The following FMNL2 variants were observed in gnomAD, a reference collection of about 807,000 sequenced individuals.
FMNL2 encodes formin-like protein 2.
In FMNL2, 51 loss-of-function variants were observed where a neutral mutation model predicts 130.2. That is an observed-to-expected ratio of 0.39 (90% confidence interval 0.31 to 0.49). The LOEUF is 0.49. Among genes scored for constraint, FMNL2 ranks in the 20% least tolerant of loss-of-function variants. The pLI, the probability that FMNL2 is intolerant of heterozygous loss-of-function variation, is 0.85. For missense variants in FMNL2, 977 were observed against 1,316.2 expected (o/e 0.74, Z 3.99); for synonymous variants, 465 against 467.1 (o/e 1.00, Z 0.06).
intron 9 of FMNL2, among the ~76,000 whole-genome samples, chr2:152,582,318 G>A (rs1188983481): frequency 1.3e-5 from 2 of 152,166 alleles, no homozygotes; most frequent in Non-Finnish European, 2.9e-5. Context: ...GCTGCCAAAT[G>A]TTCTAGACAC....
At chr2:152,617,470 G>A (rs1580109369) in intron 13 of FMNL2, among the ~76,000 whole-genome samples, 1 of 152,200 alleles carries the variant, frequency 6.6e-6, no homozygotes, top group African/African-American at 2.4e-5. Context: ...AGTTAATTCT[G>A]TGGAACACCC....
intron 4 of FMNL2, among the ~76,000 whole-genome samples, chr2:152,557,243 G>C (rs1481720421): frequency 6.6e-6 from 1 of 152,120 alleles, no homozygotes; most frequent in African/African-American, 2.4e-5. Flanking sequence ...TGAAACTTCA[G>C]CCTCCACCAG....
intron 15 of FMNL2, among the ~76,000 whole-genome samples, chr2:152,623,214 C>A (rs2105908618): frequency 6.6e-6 from 1 of 152,296 alleles, no homozygotes; most frequent in African/African-American, 2.4e-5. Context: ...TGGCACCAAC[C>A]TGTCACCTCA....
At chr2:152,544,088 G>A (rs978539272) in intron 3 of FMNL2, among the ~76,000 whole-genome samples, 2 of 152,142 alleles carry the variant, frequency 1.3e-5, no homozygotes, top group Non-Finnish European at 2.9e-5. Flanking sequence ...GAATGTGGCA[G>A]TCTTAATTTC....
chr2:152,365,338 T>A (rs967619430), intron 1 of FMNL2, among the ~76,000 whole-genome samples: 1 of 152,162 alleles, frequency 6.6e-6, no homozygotes, highest in Non-Finnish European at 1.5e-5. Flanking sequence ...TTTGAAAGAC[T>A]GCATATAGTT....
At chr2:152,478,080 C>T (rs1275638765) in intron 1 of FMNL2, among the ~76,000 whole-genome samples, 1 of 151,694 alleles carries the variant, frequency 6.6e-6, no homozygotes, top group Admixed American at 6.6e-5. Flanking sequence ...AAAAGTTACA[C>T]AGAACCACAG....
intron 1 of FMNL2, among the ~76,000 whole-genome samples, chr2:152,436,376 C>G (rs1687764863): frequency 6.6e-6 from 1 of 152,100 alleles, no homozygotes; most frequent in Non-Finnish European, 1.5e-5. Context: ...CTCCTGAACT[C>G]AAGCAATCCG....
intron 2 of FMNL2, among the ~76,000 whole-genome samples, chr2:152,533,124 C>G (rs1046793554): frequency 1.3e-5 from 2 of 151,948 alleles, no homozygotes; most frequent in East Asian, 1.9e-4. Flanking sequence ...CATTTTGTTT[C>G]CTAAGAAATT....
At chr2:152,336,682 C>T (rs1477367494) in intron 1 of FMNL2, among the ~76,000 whole-genome samples, 1 of 152,110 alleles carries the variant, frequency 6.6e-6, no homozygotes, top group Non-Finnish European at 1.5e-5. Flanking sequence ...CTGTTGGTCC[C>T]CCAGACTACC....
At chr2:152,566,859 C>T (rs1553478173) in intron 6 of FMNL2, among the ~76,000 whole-genome samples, 3 of 152,084 alleles carry the variant, frequency 2.0e-5, no homozygotes, top group Non-Finnish European at 4.4e-5. Flanking sequence ...TGTGAAACAA[C>T]AATGAGTAAG....
chr2:152,447,543 T>C (rs1179239455), intron 1 of FMNL2, among the ~76,000 whole-genome samples: 1 of 152,226 alleles, frequency 6.6e-6, no homozygotes, highest in African/African-American at 2.4e-5. Context: ...TTCATGCCAT[T>C]TTACAGTATG....
Position 152,640,935 on chromosome 2 carries a change from G to T in FMNL2, c.3169+21G>T, listed in dbSNP as rs1347632115. On this transcript the variant is annotated intron_variant, in intron 25 of 25. Coordinates refer to ENST00000288670, the MANE Select transcript of FMNL2 (RefSeq NM_052905.4). ...CACAGGTAAAAGATATTTCTTCACT[G>T]TGGCCCATGGAGATCCCACTGGCCT... The T allele has an allele frequency of 4.3e-6, 7 of 1,612,622 alleles. No homozygotes were observed. In the African/African-American group the frequency reaches 9.3e-5, roughly 22 times the overall value.
At chr2:152,484,719 GC>G (rs112132627) in intron 1 of FMNL2, among the ~76,000 whole-genome samples, 11,109 of 152,236 alleles carry the variant, frequency 0.073, 658 homozygotes, top group Admixed American at 0.21. Context: ...CCATGATGGT[GC>G]CCCTGCACTC....
chr2:152,410,667 C>A (rs115764706), intron 1 of FMNL2, among the ~76,000 whole-genome samples: 185 of 152,306 alleles, frequency 1.2e-3, no homozygotes, highest in African/African-American at 4.2e-3. Flanking sequence ...ATCCCTTCAC[C>A]CCCACCCCAC....
chr2:152,603,089 T>C (rs188725542), intron 9 of FMNL2, among the ~76,000 whole-genome samples: 2 of 152,306 alleles, frequency 1.3e-5, no homozygotes, highest in East Asian at 3.9e-4. Context: ...GAGAAACAAA[T>C]GTGAATCTGG....
At chr2:152,566,444 A>C (rs1036129340) in intron 6 of FMNL2, among the ~76,000 whole-genome samples, 6 of 152,134 alleles carry the variant, frequency 3.9e-5, no homozygotes, top group Admixed American at 3.9e-4. Flanking sequence ...CTGGGGCCTG[A>C]AGTAGTAGTG....
chr2:152,511,712 G>A (rs186877758), intron 1 of FMNL2, among the ~76,000 whole-genome samples: 249 of 152,236 alleles, frequency 1.6e-3, no homozygotes, highest in Non-Finnish European at 3.1e-3. Context: ...AAAGAGAAGA[G>A]GGAGACTAGC....
At position 152,440,343 on chromosome 2, in the gene FMNL2, A is replaced by G. The variant is rs749972474; in HGVS notation, c.118-81600A>G. On this transcript the variant is annotated intron_variant, in intron 1 of 25. Transcript: ENST00000288670. The stretch of plus-strand genomic sequence containing the variant: ...AAGACATGGGCAAGAGAAAAGTTTG[A>G]TAAATGTGCATGCTGTGACTTTATG... Among the ~76,000 whole-genome samples the G allele has an allele frequency of 2.0e-4, 30 of 152,196 alleles. 1 individual carries two copies. Among genetic ancestry groups the G allele is most frequent in the Non-Finnish European group, 4.4e-5 (3 of 68,026 alleles).
At chr2:152,646,632 T>C (rs1458498540) in intron 25 of FMNL2, among the ~76,000 whole-genome samples, 1 of 151,984 alleles carries the variant, frequency 6.6e-6, no homozygotes, top group Non-Finnish European at 1.5e-5. Flanking sequence ...TCAAATGTGG[T>C]CCATCAGCTG....
Sources: gnomAD v4.1 joint callset for allele counts (sites outside exome capture counted in the v4.1 genomes callset) on GRCh38, gnomAD v4.1.1 for gene constraint, MANE v1.5 for transcripts, NCBI Gene and HGNC (gene_info 2026-07-23, HGNC 2026-07-21) for gene names.